SULF1: variants seen among roughly 807,000 people sequenced by gnomAD.
SULF1 encodes sulfatase 1, also known as extracellular sulfatase Sulf-1.
A neutral mutation model predicts 110.5 loss-of-function variants in SULF1; 46 were observed. The ratio of observed to expected loss-of-function variants is 0.42; its 90% CI spans 0.33 to 0.53. The LOEUF is 0.53. SULF1 is among the 20% of genes least tolerant of loss of function. SULF1 has a pLI of 0.12. For missense variants in SULF1, 941 were observed against 1,094.2 expected, an observed-to-expected ratio of 0.86 and a Z score of 1.98; for synonymous variants, 371 against 387.1, an observed-to-expected ratio of 0.96 and a Z score of 0.49.
At chr8:69,549,196 A>C (rs757149499) in intron 3 of SULF1, among the ~76,000 whole-genome samples, 1 of 152,244 alleles carries the variant, frequency 6.6e-6, no homozygotes, top group African/African-American at 2.4e-5. Flanking sequence ...TTGGAGCAGC[A>C]TGGAGCCACT....
At chr8:69,468,513 A>T (rs1443485062) in intron 1 of SULF1, among the ~76,000 whole-genome samples, 2 of 152,220 alleles carry the variant, frequency 1.3e-5, no homozygotes, top group African/African-American at 4.8e-5. Context: ...TCAATGAGAA[A>T]TTATCCTCAT....
chr8:69,572,735 T>C (rs1805322158), intron 5 of SULF1, among the ~76,000 whole-genome samples: 1 of 152,242 alleles, frequency 6.6e-6, no homozygotes, highest in Non-Finnish European at 1.5e-5. Flanking sequence ...TACAGGATTC[T>C]AGGGCTTATT....
chr8:69,521,636 A>G (rs1490977153), intron 3 of SULF1, among the ~76,000 whole-genome samples: 1 of 152,216 alleles, frequency 6.6e-6, no homozygotes, highest in African/African-American at 2.4e-5. Flanking sequence ...CAAATGGGAG[A>G]GTGGTAGGAA....
At chr8:69,594,099 T>G (rs59671049) in intron 8 of SULF1, among the ~76,000 whole-genome samples, 3,392 of 152,156 alleles carry the variant, frequency 0.022, 127 homozygotes, top group African/African-American at 0.076. Context: ...TTGCCCAGGC[T>G]GGAGTGCAAT....
chr8:69,562,274 GTAAA>G (rs1333189976), intron 3 of SULF1, among the ~76,000 whole-genome samples: 1 of 152,188 alleles, frequency 6.6e-6, no homozygotes, highest in Admixed American at 6.5e-5. Flanking sequence ...TATGGTAGGG[GTAAA>G]CAATATCCAG....
chr8:69,479,584 A>AT (rs1809433650), intron 1 of SULF1, among the ~76,000 whole-genome samples: 2 of 152,126 alleles, frequency 1.3e-5, no homozygotes, highest in African/African-American at 2.4e-5. Flanking sequence ...ATAACTTAGA[A>AT]TTTGCAGTGG....
Position 69,635,993 on chromosome 8 carries a change from GATA to G in SULF1, c.2285-2501_2285-2499del, listed in dbSNP as rs999821826. ...TTTTTCCATCTGTTAACATGAGGAT[GATA>G]ATAATAACCTCTGTCTCAAGAGGTA... On this transcript the variant is annotated intron_variant, in intron 19 of 22. Coordinates refer to ENST00000402687, the MANE Select transcript of SULF1 (RefSeq NM_001128205.2). 9.5e-4 allele frequency among the ~76,000 whole-genome samples: 145 copies of G among 152,290 alleles called. 1 individual carries two copies. Among genetic ancestry groups the G allele is most frequent in the African/African-American group, 3.3e-3 (138 of 41,556 alleles).
At chr8:69,602,978 C>A (rs1807948096) in intron 10 of SULF1, among the ~76,000 whole-genome samples, 1 of 152,156 alleles carries the variant, frequency 6.6e-6, no homozygotes, top group Admixed American at 6.5e-5. Flanking sequence ...AGGCATCTCT[C>A]CAGCCTGACC....
chr8:69,538,817 C>T lies in SULF1; in HGVS notation c.-133-24722C>T, dbSNP rs565505299. 9.3e-4 allele frequency among the ~76,000 whole-genome samples: 142 copies of T among 152,216 alleles called. 1 individual carries two copies. Among genetic ancestry groups the T allele is most frequent in the Middle Eastern group, 3.4e-3 (1 of 294 alleles). On this transcript the variant is annotated intron_variant, in intron 3 of 22. Transcript: ENST00000402687. ...AAGCAATTCTCCTACCTCAGCCTCCCGAGTAGCTGGGATTACAGGTGCCTG... is the reference window on the plus strand; with the variant it reads ...AAGCAATTCTCCTACCTCAGCCTCCTGAGTAGCTGGGATTACAGGTGCCTG...
intron 1 of SULF1, among the ~76,000 whole-genome samples, chr8:69,470,317 G>A (rs1209523878): frequency 6.6e-6 from 1 of 152,174 alleles, no homozygotes; most frequent in African/African-American, 2.4e-5. Flanking sequence ...CTATGATCAT[G>A]TGGTAAATTC....
intron 1 of SULF1, among the ~76,000 whole-genome samples, chr8:69,474,319 T>C (rs1563454022): frequency 6.6e-6 from 1 of 152,210 alleles, no homozygotes; most frequent in Non-Finnish European, 1.5e-5. Flanking sequence ...ATCACAAATA[T>C]GCCTTTGCTT....
chr8:69,648,524 C>T (rs1357890395), intron 22 of SULF1, among the ~76,000 whole-genome samples: 3 of 152,138 alleles, frequency 2.0e-5, no homozygotes, highest in Non-Finnish European at 4.4e-5. Context: ...ATGAGAGCTC[C>T]TCTTGAAGGC....
At chr8:69,583,424 AT>A (rs5892209) in intron 6 of SULF1, among the ~76,000 whole-genome samples, 17,709 of 137,118 alleles carry the variant, frequency 0.13, 1,229 homozygotes, top group Middle Eastern at 0.22. Context: ...AAAAAAAAAA[AT>A]TAGCCAGGTG....
chr8:69,513,714 T>C (rs1348947167), intron 3 of SULF1, among the ~76,000 whole-genome samples: 2 of 152,198 alleles, frequency 1.3e-5, no homozygotes, highest in African/African-American at 4.8e-5. Flanking sequence ...CACCACCTGT[T>C]GTTTCATCAG....
At chr8:69,651,009 T>G (rs1812293142) in intron 22 of SULF1, among the ~76,000 whole-genome samples, 1 of 152,108 alleles carries the variant, frequency 6.6e-6, no homozygotes, top group Admixed American at 6.5e-5. Flanking sequence ...TGGATAGAGC[T>G]AAGAGACACA....
chr8:69,640,985 G>T, intron 22 of SULF1, 144 bp downstream of exon 22: 1 of 617,892 alleles, frequency 1.6e-6, no homozygotes, highest in Non-Finnish European at 2.7e-6. Flanking sequence ...TCTCCACTAT[G>T]TTTTGTCATT....
At chr8:69,527,423 A>T (rs1325679840) in intron 3 of SULF1, among the ~76,000 whole-genome samples, 1 of 152,072 alleles carries the variant, frequency 6.6e-6, no homozygotes, top group East Asian at 1.9e-4. Flanking sequence ...TGACCAGTAG[A>T]GCCAGAGGAA....
At chr8:69,471,651 G>T (rs1433922332) in intron 1 of SULF1, among the ~76,000 whole-genome samples, 2 of 152,280 alleles carry the variant, frequency 1.3e-5, no homozygotes, top group South Asian at 2.1e-4. Flanking sequence ...CTAATCCAGG[G>T]ACCACCTCTC....
At chr8:69,489,033 T>C (rs1394936539), upstream of SULF1, among the ~76,000 whole-genome samples, 3 of 152,176 alleles carry the variant, frequency 2.0e-5, no homozygotes, top group Non-Finnish European at 4.4e-5. Flanking sequence ...GCGTCCTTTC[T>C]TGCTGGAGGG....
Sources: allele counts gnomAD v4.1 joint callset (sites outside exome capture counted in the v4.1 genomes callset), GRCh38; gene constraint gnomAD v4.1.1; transcripts MANE v1.5; gene names NCBI Gene and HGNC (gene_info 2026-07-23, HGNC 2026-07-21).